The following CSMD1 variants were observed in gnomAD, a reference collection of about 807,000 sequenced individuals.
CSMD1 encodes the protein CUB and sushi domain-containing protein 1.
A neutral mutation model predicts 417.5 loss-of-function variants in CSMD1; 213 were observed. The ratio of observed to expected loss-of-function variants is 0.51; its 90% CI spans 0.46 to 0.57. The LOEUF (loss-of-function observed/expected upper bound fraction) is 0.57. Among genes scored for constraint, CSMD1 ranks in the 20% least tolerant of loss-of-function variants. The probability of loss-of-function intolerance (pLI) is 0.00; values close to 1 mark genes in which losing one functional copy is unlikely to be tolerated. For missense variants in CSMD1, 6,923 were observed against 4,529.7 expected (o/e 1.53, Z -15.17); for synonymous variants, 2,862 against 1,736.8 (o/e 1.65, Z -16.11).
At chr8:3,628,006 C>T (rs1796580562) in intron 7 of CSMD1, among the ~76,000 whole-genome samples, 1 of 152,000 alleles carries the variant, frequency 6.6e-6, no homozygotes, top group African/African-American at 2.4e-5. Context: ...AATATGAATT[C>T]CTATGTAAAA....
chr8:3,439,260 T>A, intron 12 of CSMD1, among the ~76,000 whole-genome samples: 1 of 137,008 alleles, frequency 7.3e-6, no homozygotes, highest in Admixed American at 7.6e-5. Flanking sequence ...CTTCTCTATT[T>A]GAGAGCATTT....
chr8:4,324,232 T>C (rs1464067743), intron 3 of CSMD1, among the ~76,000 whole-genome samples: 2 of 152,172 alleles, frequency 1.3e-5, no homozygotes, highest in Non-Finnish European at 2.9e-5. Flanking sequence ...TCTGCAGAGA[T>C]TTCCCTACAC....
At chr8:4,017,081 G>A (rs934329733) in intron 4 of CSMD1, among the ~76,000 whole-genome samples, 1 of 152,196 alleles carries the variant, frequency 6.6e-6, no homozygotes, top group Non-Finnish European at 1.5e-5. Flanking sequence ...ACTTCAGAAT[G>A]TACTCAGTGA....
chr8:3,136,952 TA>T lies in CSMD1; in HGVS notation c.6241+5512del, dbSNP rs1218043146. ...TTTGAATTTAAAAACATATTTTTTTTAAATTTTATTATTTTAATTGAGAGAT... is the reference window on the plus strand; with the variant it reads ...TTTGAATTTAAAAACATATTTTTTTTAATTTTATTATTTTAATTGAGAGAT... On this transcript the variant is annotated intron_variant, in intron 41 of 69. Transcript: ENST00000635120. 3.9e-5 allele frequency among the ~76,000 whole-genome samples: 6 copies of T among 152,336 alleles called. No homozygotes were observed. In the East Asian group the frequency reaches 5.8e-4, roughly 15 times the overall value.
chr8:4,382,358 G>A (rs1803156990), intron 3 of CSMD1, among the ~76,000 whole-genome samples: 1 of 152,202 alleles, frequency 6.6e-6, no homozygotes, highest in South Asian at 2.1e-4. Context: ...GTCGACCAAT[G>A]ACACACATTT....
chr8:3,272,322 T>G (rs1219195700), intron 26 of CSMD1, among the ~76,000 whole-genome samples: 1 of 146,558 alleles, frequency 6.8e-6, no homozygotes, highest in Non-Finnish European at 1.5e-5. Context: ...CATGCTGTTT[T>G]GGTTACGGTA....
chr8:3,615,206 G>A (rs572450018), intron 8 of CSMD1, among the ~76,000 whole-genome samples: 3 of 152,082 alleles, frequency 2.0e-5, no homozygotes, highest in Non-Finnish European at 4.4e-5. Context: ...GAACTTCCTT[G>A]AGCCAAAGGA....
intron 2 of CSMD1, among the ~76,000 whole-genome samples, chr8:4,427,693 T>C (rs1044710822): frequency 1.3e-5 from 2 of 152,196 alleles, no homozygotes; most frequent in African/African-American, 4.8e-5. Flanking sequence ...TACATTTATG[T>C]ATTTTTCTGT....
Position 3,406,156 on chromosome 8 carries a change from A to G in CSMD1, c.2137T>C (p.Phe713Leu), listed in dbSNP as rs1206328577. 3 of 1,613,416 alleles carry G rather than the reference A, an allele frequency of 1.9e-6. No homozygotes were observed. The African/African-American group carries it at 4.0e-5, about 22-fold the overall frequency. The change falls in exon 15 of 70, where the codon TTT (phenylalanine) becomes CTT (leucine). Residue 713 changes from phenylalanine (F) to leucine (L), a missense_variant. Transcript: ENST00000635120. Reference sequence around the variant, plus strand: ...AAAGAAACCGAGCTCCCGAGTAGAAACCTGTCACCAAAACGTCGTCCGTTT... The same window carrying G: ...AAAGAAACCGAGCTCCCGAGTAGAAGCCTGTCACCAAAACGTCGTCCGTTT... ...PINGRRFGDR[F>L]LLGSSVSFHC... is the part of the protein sequence containing the mutation.
At chr8:3,568,996 G>A (rs891666457) in intron 10 of CSMD1, among the ~76,000 whole-genome samples, 2 of 152,068 alleles carry the variant, frequency 1.3e-5, no homozygotes, top group Non-Finnish European at 2.9e-5. Context: ...CTGATTGCAG[G>A]ACTCATCAAG....
At chr8:3,547,448 G>A (rs1278494043) in intron 10 of CSMD1, among the ~76,000 whole-genome samples, 1 of 152,082 alleles carries the variant, frequency 6.6e-6, no homozygotes, top group Non-Finnish European at 1.5e-5. Flanking sequence ...ATGTATAAAC[G>A]GATCAGTAGG....
At chr8:3,263,672 A>C (rs935131278) in intron 26 of CSMD1, among the ~76,000 whole-genome samples, 2 of 152,232 alleles carry the variant, frequency 1.3e-5, no homozygotes. Context: ...GTAAAACATA[A>C]AAATAGGATA....
chr8:3,228,067 C>G (rs755377906), intron 27 of CSMD1, among the ~76,000 whole-genome samples: 2 of 152,116 alleles, frequency 1.3e-5, no homozygotes, highest in Non-Finnish European at 2.9e-5. Context: ...CACACCCAGA[C>G]TAAAACATTT....
intron 2 of CSMD1, among the ~76,000 whole-genome samples, chr8:4,531,312 T>C (rs985625450): frequency 6.6e-6 from 1 of 152,200 alleles, no homozygotes; most frequent in South Asian, 2.1e-4. Context: ...TGCCGTGGAA[T>C]GTATTCAGGT....
chr8:4,347,912 A>C lies in CSMD1; in HGVS notation c.415+72041T>G, dbSNP rs141510801. Among the ~76,000 whole-genome samples the C allele has an allele frequency of 2.4e-4, 36 of 152,340 alleles. No homozygotes were observed. The East Asian group carries it at 4.2e-3, about 18-fold the overall frequency. ...ATAAGAAAAAAATAAAAAGTTAAATAAACAAGGATAAAATAGGAGCACAAA... is the reference window on the plus strand; with the variant it reads ...ATAAGAAAAAAATAAAAAGTTAAATCAACAAGGATAAAATAGGAGCACAAA... On this transcript the variant is annotated intron_variant, in intron 3 of 69. Transcript: ENST00000635120.
chr8:3,902,196 G>C (rs1339023849), intron 5 of CSMD1, among the ~76,000 whole-genome samples: 1 of 152,120 alleles, frequency 6.6e-6, no homozygotes, highest in Non-Finnish European at 1.5e-5. Flanking sequence ...TCTCACTTCT[G>C]ATACTTCAGC....
chr8:3,206,826 A>G (rs1305732425), intron 30 of CSMD1, among the ~76,000 whole-genome samples: 1 of 152,164 alleles, frequency 6.6e-6, no homozygotes, highest in East Asian at 1.9e-4. Flanking sequence ...TTTTTAAAGC[A>G]TCATGGAAGA....
chr8:3,681,070 A>G (rs899826626), intron 7 of CSMD1, among the ~76,000 whole-genome samples: 1 of 152,206 alleles, frequency 6.6e-6, no homozygotes, highest in African/African-American at 2.4e-5. Flanking sequence ...AGACAAACCC[A>G]CAGCCAATAT....
At chr8:3,818,806 C>T (rs115593160) in intron 5 of CSMD1, among the ~76,000 whole-genome samples, 60 of 152,294 alleles carry the variant, frequency 3.9e-4, no homozygotes, top group South Asian at 1.2e-3. Context: ...GTCCCTCTTT[C>T]CCTTTGAGTC....
Sources: allele counts gnomAD v4.1 joint callset (sites outside exome capture counted in the v4.1 genomes callset), GRCh38; gene constraint gnomAD v4.1.1; transcripts MANE v1.5; gene names NCBI Gene and HGNC (gene_info 2026-07-23, HGNC 2026-07-21).